The following SDC1 variants were observed in gnomAD, a reference collection of about 807,000 sequenced individuals.
SDC1 encodes the protein syndecan 1.
Under a neutral mutation model 29.7 loss-of-function variants are expected in SDC1, and 14 were observed. That is an observed-to-expected ratio of 0.47 (90% CI 0.31 to 0.74). The LOEUF is 0.74. Among genes scored for constraint, SDC1 ranks in the 30% least tolerant of loss-of-function variants. The probability of loss-of-function intolerance (pLI) is 0.05; values close to 1 mark genes in which losing one functional copy is unlikely to be tolerated. For missense variants in SDC1, 406 were observed against 400.3 expected (o/e 1.01, Z -0.12); for synonymous variants, 204 against 175.5 (o/e 1.16, Z -1.29).
At position 20,203,901 on chromosome 2, in the gene SDC1, G is replaced by A. The variant is rs1293965543; in HGVS notation, c.539C>T (p.Thr180Ile). The change falls in exon 3 of 5, where the codon ACA becomes ATA. Residue 180 changes from threonine (T) to isoleucine (I), a missense_variant. Coordinates refer to ENST00000254351, the MANE Select transcript of SDC1 (RefSeq NM_002997.5). ...GGTGGCAGAAGGACCTCCATCCTCT[G>A]TGTGGGGAGTGTGAAGGTCAGCTTG... ...PSQADLHTPHTEDGGPSATER... is the reference protein window; with the variant it reads ...PSQADLHTPHIEDGGPSATER... 2 of 1,613,778 alleles carry A rather than the reference G, an allele frequency of 1.2e-6. No homozygotes were observed. The highest frequency in any genetic ancestry group is 3.3e-5 in the Admixed American group (2 of 59,962).
At position 20,204,233 on chromosome 2, in the gene SDC1, C is replaced by G. The variant is rs1463787839; in HGVS notation, c.207G>C (p.Gln69His). The change falls in exon 3 of 5, where the codon CAG becomes CAC. Residue 69 changes from glutamine to histidine, a missense_variant. Gln to His is a conservative substitution (Grantham distance 24, BLOSUM62 0). Coordinates refer to ENST00000254351, the MANE Select transcript of SDC1 (RefSeq NM_002997.5). ...QQTPSTWKDT[Q>H]LLTAIPTSPE... ...GAGACGTGGGAATAGCCGTCAGGAG[C>G]TGCGTGTCCTTCCAAGTGGAGGGGG... is the stretch of plus-strand genomic sequence containing the variant. The G allele has an allele frequency of 1.6e-5, 26 of 1,591,986 alleles. 2 individuals carry two copies. In the South Asian group the frequency reaches 2.5e-4, roughly 15 times the overall value.
chr2:20,216,245 G>A (rs1677623038), intron 1 of SDC1, among the ~76,000 whole-genome samples: 1 of 152,194 alleles, frequency 6.6e-6, no homozygotes, highest in African/African-American at 2.4e-5. Flanking sequence ...GGAAGGTGGG[G>A]GGCAGGGCCT....
intron 1 of SDC1, among the ~76,000 whole-genome samples, chr2:20,206,419 G>C (rs1399996009): frequency 2.6e-5 from 4 of 152,246 alleles, no homozygotes; most frequent in African/African-American, 9.6e-5. Flanking sequence ...GAGCAGGCCT[G>C]TGCAGAACCC....
At chr2:20,212,548 C>T (rs1279654049) in intron 1 of SDC1, among the ~76,000 whole-genome samples, 1 of 152,208 alleles carries the variant, frequency 6.6e-6, no homozygotes. Flanking sequence ...GACCCGAAAT[C>T]CCCCACTGAA....
At chr2:20,208,109 C>T (rs1167728232) in intron 1 of SDC1, 2 of 985,320 alleles carry the variant, frequency 2.0e-6, no homozygotes, top group Non-Finnish European at 2.4e-6. Context: ...CCATTGGATC[C>T]ATGCTCCATT....
At chr2:20,221,636 G>A (rs1292672778) in intron 1 of SDC1, among the ~76,000 whole-genome samples, 2 of 152,154 alleles carry the variant, frequency 1.3e-5, no homozygotes, top group Non-Finnish European at 2.9e-5. Flanking sequence ...TGAATACACA[G>A]GACACCTCAT....
intron 1 of SDC1, among the ~76,000 whole-genome samples, chr2:20,222,640 G>T (rs1487812786): frequency 6.6e-6 from 1 of 152,066 alleles, no homozygotes; most frequent in Non-Finnish European, 1.5e-5. Flanking sequence ...AGACTCTCCT[G>T]CCTCCTGGGC....
At position 20,202,666 on chromosome 2, in the gene SDC1, T is replaced by C; in HGVS notation, c.*100A>G. 1 of 1,169,142 alleles carries C rather than the reference T, an allele frequency of 8.6e-7. No homozygotes were observed. Among genetic ancestry groups the C allele is most frequent in the Non-Finnish European group, 1.2e-6 (1 of 821,930 alleles). The allele number at this position is 1,169,142 out of a possible 1,614,324, so 72.4% of individuals were successfully genotyped here. On this transcript the variant is annotated 3_prime_UTR_variant, in exon 5 of 5. Transcript: ENST00000254351. ...CAGAGGGGCTGGAATGCTGGGGAGG[T>C]GGCCTGGTGGCAGGGGAGGCCAGGG...
chr2:20,210,970 T>C (rs1677447909), intron 1 of SDC1, among the ~76,000 whole-genome samples: 1 of 152,122 alleles, frequency 6.6e-6, no homozygotes, highest in Admixed American at 6.5e-5. Flanking sequence ...CAGTCAGATC[T>C]ACACATACAA....
chr2:20,210,187 C>T (rs1431438809), intron 1 of SDC1, among the ~76,000 whole-genome samples: 1 of 152,176 alleles, frequency 6.6e-6, no homozygotes, highest in Non-Finnish European at 1.5e-5. Context: ...ACTAAAAATA[C>T]AAAATTAGCT....
chr2:20,225,184 C>G (rs1042890069), upstream of SDC1: 6 of 208,000 alleles, frequency 2.9e-5, no homozygotes, highest in East Asian at 1.1e-4. Context: ...GTCCACACCC[C>G]CCAGGACCCC....
Position 20,204,024 on chromosome 2 carries a change from G to C in SDC1, c.416C>G (p.Thr139Arg), listed in dbSNP as rs542463050. 3.5e-5 allele frequency: 57 copies of C among 1,613,152 alleles called. No homozygotes were observed. The highest frequency in any genetic ancestry group is 4.7e-5 in the Non-Finnish European group (55 of 1,179,634). Residue 139 changes from threonine to arginine, a missense_variant, in exon 3 of 5, where the codon ACG becomes AGG. Transcript: ENST00000254351. ...CTCCTGGGCCGTGGTGGCTGTGGTC[G>C]TTGAGGCCAGATGAGTGGTCGGGAG... The part of the protein sequence containing the change: ...TQLPTTHLAS[T>R]TTATTAQEPA...
rs1265447558 is a variant in SDC1 at position 20,202,537 on chromosome 2, A to G, written c.*229T>C. ...ATGCCAGGTGCTGGCTGTGGTGGAA[A>G]GGTCCTATGCGAGAAACCCCTGGTG... On this transcript the variant is annotated 3_prime_UTR_variant, in exon 5 of 5. Coordinates refer to ENST00000254351, the MANE Select transcript of SDC1 (RefSeq NM_002997.5). 8 of 593,652 alleles carry G rather than the reference A, an allele frequency of 1.3e-5. No homozygotes were observed. Among genetic ancestry groups the G allele is most frequent in the Non-Finnish European group, 2.1e-5 (7 of 335,780 alleles). 36.8% of individuals were successfully genotyped at this position (593,652 alleles called of 1,614,324 possible).
chr2:20,208,229 C>G lies in SDC1; in HGVS notation c.67-2805G>C, dbSNP rs903624706. 1.5e-5 allele frequency: 7 copies of G among 453,350 alleles called. No individual in the cohort carries two copies. In the South Asian group the frequency reaches 4.6e-4, roughly 30 times the overall value. The allele number at this position is 453,350 out of a possible 1,614,324, so 28.1% of individuals were successfully genotyped here. A position where few individuals can be genotyped will look rare whatever the true frequency, so the allele number is the denominator to read the frequency against. On this transcript the variant is annotated intron_variant, in intron 1 of 4. Coordinates refer to ENST00000254351, the MANE Select transcript of SDC1 (RefSeq NM_002997.5). ...CAGGAACGCCAGGGAGGCCCCAACA[C>G]GTTAGCAGTTTCCCAAGAGCAGGGC...
chr2:20,212,682 G>A (rs992243020), intron 1 of SDC1, among the ~76,000 whole-genome samples: 10 of 152,148 alleles, frequency 6.6e-5, no homozygotes, highest in African/African-American at 1.9e-4. Context: ...GGGGCCTGCC[G>A]AGGGTATGAC....
chr2:20,212,308 G>C (rs1677489639), intron 1 of SDC1, among the ~76,000 whole-genome samples: 1 of 152,226 alleles, frequency 6.6e-6, no homozygotes, highest in African/African-American at 2.4e-5. Context: ...CCTTGCCTCA[G>C]GTTGTCCATC....
chr2:20,204,258 G>C lies in SDC1; in HGVS notation c.182C>G (p.Thr61Ser). ...ALQDITLSQQ[T>S]PSTWKDTQLL... ...CTGCGTGTCCTTCCAAGTGGAGGGGGTCTGCTGTGACAAGGTGATATCTTG... is the reference window on the plus strand; with the variant it reads ...CTGCGTGTCCTTCCAAGTGGAGGGGCTCTGCTGTGACAAGGTGATATCTTG... The change falls in exon 3 of 5, where the codon ACC (threonine) becomes AGC (serine). Residue 61 changes from threonine to serine, a missense_variant. Coordinates refer to ENST00000254351, the MANE Select transcript of SDC1 (RefSeq NM_002997.5). 7.0e-6 allele frequency: 11 copies of C among 1,576,300 alleles called. No individual in the cohort carries two copies. Among genetic ancestry groups the C allele is most frequent in the Non-Finnish European group, 9.4e-6 (11 of 1,164,356 alleles).
chr2:20,212,138 A>G (rs534055700), intron 1 of SDC1, among the ~76,000 whole-genome samples: 10 of 152,194 alleles, frequency 6.6e-5, no homozygotes, highest in Non-Finnish European at 1.2e-4. Flanking sequence ...GGAACTAGAC[A>G]GGGGTTCTGT....
chr2:20,210,843 T>G (rs1677444260), intron 1 of SDC1, among the ~76,000 whole-genome samples: 1 of 152,110 alleles, frequency 6.6e-6, no homozygotes, highest in Non-Finnish European at 1.5e-5. Flanking sequence ...CCCATGGTCA[T>G]GGCAGGCTGG....
Sources: allele counts gnomAD v4.1 joint callset (sites outside exome capture counted in the v4.1 genomes callset), GRCh38; gene constraint gnomAD v4.1.1; transcripts MANE v1.5; gene names NCBI Gene and HGNC (gene_info 2026-07-23, HGNC 2026-07-21).